The following DYNC2H1 variants were observed in gnomAD, a reference collection of about 807,000 sequenced individuals.
DYNC2H1 encodes the protein dynein cytoplasmic 2 heavy chain 1, also known as cytoplasmic dynein 2 heavy chain 1.
DYNC2H1 carries 410 observed loss-of-function variants against 570.0 expected under a neutral mutation model. The ratio of observed to expected loss-of-function variants is 0.72; its 90% CI spans 0.66 to 0.78. DYNC2H1 has a LOEUF of 0.78. Ranked by LOEUF, DYNC2H1 falls within the 30% of genes least tolerant of loss-of-function variation. The pLI, the probability that DYNC2H1 is intolerant of heterozygous loss-of-function variation, is 0.00. For synonymous variants in DYNC2H1, 1,688 were observed against 1,677.6 expected (o/e 1.01, Z -0.15); for missense variants, 4,865 against 5,046.4 (o/e 0.96, Z 1.09).
chr11:103,168,966 A>T lies in DYNC2H1; in HGVS notation c.4968+6A>T. ...AGTATACTTATGAATATCAGGTATG[A>T]GTTGTGGCAGTGTTTTATATTTCCA... On this transcript the variant is annotated splice_donor_region_variant and intron_variant, in intron 32 of 88. Transcript: ENST00000375735. 2 of 1,581,732 alleles carry T rather than the reference A, an allele frequency of 1.3e-6. No homozygotes were observed. The highest frequency in any genetic ancestry group is 1.7e-6 in the Non-Finnish European group (2 of 1,169,636).
intron 83 of DYNC2H1, among the ~76,000 whole-genome samples, chr11:103,362,844 A>G (rs1940720630): frequency 6.6e-6 from 1 of 152,128 alleles, no homozygotes; most frequent in African/African-American, 2.4e-5. Flanking sequence ...AGCCTGGCCA[A>G]CATGGTGAAA....
chr11:103,438,924 G>A (rs572417678), intron 85 of DYNC2H1, among the ~76,000 whole-genome samples: 8 of 152,116 alleles, frequency 5.3e-5, no homozygotes, highest in African/African-American at 1.7e-4. Context: ...CAAGAGGATC[G>A]CTTGAGCCCA....
chr11:103,474,112 T>A (rs781162997), intron 88 of DYNC2H1: 1 of 231,232 alleles, frequency 4.3e-6, no homozygotes, highest in South Asian at 4.1e-5. Context: ...AAAGTAATGA[T>A]GTTATCACTA....
intron 78 of DYNC2H1, among the ~76,000 whole-genome samples, chr11:103,310,786 G>A (rs1304215182): frequency 6.8e-6 from 1 of 147,002 alleles, no homozygotes; most frequent in Non-Finnish European, 1.5e-5. Flanking sequence ...TGCCTCCTGG[G>A]TTCAGGCAAT....
chr11:103,146,524 T>G (rs1369485571), intron 18 of DYNC2H1, among the ~76,000 whole-genome samples: 1 of 152,234 alleles, frequency 6.6e-6, no homozygotes, highest in African/African-American at 2.4e-5. Flanking sequence ...ACAGAGACAA[T>G]TCCTGTTAAT....
chr11:103,170,287 T>C lies in DYNC2H1; in HGVS notation c.5148T>C (p.Asp1716=), dbSNP rs1192539296. The C allele has an allele frequency of 1.3e-6, 2 of 1,567,598 alleles. No individual in the cohort carries two copies. Among genetic ancestry groups the C allele is most frequent in the Admixed American group, 2.0e-5 (1 of 49,888 alleles). ...GACAAGTTTTAGTCTTTAATTGTGA[T>C]GAGGTAGAATAAATAATTATCAAAA... ...LGRQVLVFNC[D]EGIDVKSMGR... The change falls in exon 33 of 89, where the codon GAT becomes GAC. Residue 1716 remains aspartate, a synonymous_variant. Coordinates refer to ENST00000375735, the MANE Select transcript of DYNC2H1 (RefSeq NM_001377.3). The surrounding 1 kb of genome is among the most constrained non-coding windows in gnomAD (Gnocchi z 4.8).
rs369794713 is a variant in DYNC2H1 at position 103,441,341 on chromosome 11, G to C, written c.12456+5309G>C. ...AGGCCTTCCCTGACCATCCTGTTTC[G>C]AATGTAACCCCCGCACTCCCCCCTC... On this transcript the variant is annotated intron_variant, in intron 85 of 88. Coordinates refer to ENST00000375735, the MANE Select transcript of DYNC2H1 (RefSeq NM_001377.3). 1.2e-4 allele frequency among the ~76,000 whole-genome samples: 16 copies of C among 138,388 alleles called. No individual in the cohort carries two copies. In the East Asian group the frequency reaches 3.6e-3, roughly 31 times the overall value. The allele number at this position is 138,388 out of a possible 152,430, so 90.8% of individuals were successfully genotyped here.
chr11:103,275,825 TC>T lies in DYNC2H1; in HGVS notation c.10696-4521del, dbSNP rs1439609251. On this transcript the variant is annotated intron_variant, in intron 70 of 88. Transcript: ENST00000375735. The surrounding 1 kb of genome is among the most constrained non-coding windows in gnomAD (Gnocchi z 4.8). ...GTTATGAATAAAGCAGCTGTAAACA[TC>T]CATATGCAGGTTTTTGTGTAGACAT... Among the ~76,000 whole-genome samples, 1 of 152,226 alleles carries T rather than the reference TC, an allele frequency of 6.6e-6. No homozygotes were observed. Among genetic ancestry groups the T allele is most frequent in the Non-Finnish European group, 1.5e-5 (1 of 68,036 alleles).
chr11:103,225,953 G>GT (rs1326079554), intron 59 of DYNC2H1, among the ~76,000 whole-genome samples: 9 of 97,738 alleles, frequency 9.2e-5, no homozygotes, highest in East Asian at 8.2e-4. Context: ...GTATTCCTAA[G>GT]TATTTTTTTT....
At chr11:103,357,089 T>A (rs978648829) in intron 82 of DYNC2H1, among the ~76,000 whole-genome samples, 4 of 152,262 alleles carry the variant, frequency 2.6e-5, no homozygotes, top group African/African-American at 9.6e-5. Flanking sequence ...AATATATACA[T>A]CATTGATTTT....
Position 103,304,578 on chromosome 11 carries a change from T to C in DYNC2H1, c.11257-17T>C, listed in dbSNP as rs754160831. 5.0e-6 allele frequency: 8 copies of C among 1,604,668 alleles called. No homozygotes were observed. The South Asian group carries it at 8.9e-5, about 18-fold the overall frequency. On this transcript the variant is annotated splice_polypyrimidine_tract_variant and intron_variant, in intron 76 of 88. Transcript: ENST00000375735. ...CAGATCTGTTTTTAAATTTTGTTTG[T>C]TTTTTTGCTTTTGTAGGTTGCCATG... is the stretch of plus-strand genomic sequence containing the variant.
chr11:103,187,037 G>A (rs1258194793), intron 42 of DYNC2H1, among the ~76,000 whole-genome samples: 1 of 151,888 alleles, frequency 6.6e-6, no homozygotes, highest in Non-Finnish European at 1.5e-5. Flanking sequence ...TCCTTCAACT[G>A]TGGGGAAACA....
intron 83 of DYNC2H1, among the ~76,000 whole-genome samples, chr11:103,371,215 A>G (rs1331805267): frequency 1.3e-5 from 2 of 152,110 alleles, no homozygotes; most frequent in East Asian, 3.9e-4. Context: ...ATCAAGCAGA[A>G]GAAAGTGAGC....
intron 18 of DYNC2H1, 93 bp from the exon 19 acceptor site, chr11:103,147,679 G>T: frequency 1.4e-6 from 1 of 728,884 alleles, no homozygotes; most frequent in Non-Finnish European, 2.2e-6. Flanking sequence ...ACATTTTTAA[G>T]TGTATTACAT....
chr11:103,458,305 G>A lies in DYNC2H1; in HGVS notation c.12648+1949G>A, dbSNP rs566925147. ...ACAGATTTGTTTCCTAGGAGCAATA[G>A]GCTATAGCATCTAGCCTAGGTATGT... On this transcript the variant is annotated intron_variant, in intron 87 of 88. Coordinates refer to ENST00000375735, the MANE Select transcript of DYNC2H1 (RefSeq NM_001377.3). Among the ~76,000 whole-genome samples, 235 of 152,206 alleles carry A rather than the reference G, an allele frequency of 1.5e-3. 2 individuals carry two copies. Among genetic ancestry groups the A allele is most frequent in the Non-Finnish European group, 2.6e-3 (180 of 68,014 alleles).
chr11:103,350,259 G>A (rs71480485), intron 82 of DYNC2H1, among the ~76,000 whole-genome samples: 7,870 of 152,044 alleles, frequency 0.052, 380 homozygotes, highest in East Asian at 0.19. Flanking sequence ...ATTGTTTAAT[G>A]AATTTCTATT....
chr11:103,318,969 AT>A (rs1251055369), intron 80 of DYNC2H1, among the ~76,000 whole-genome samples: 92 of 149,738 alleles, frequency 6.1e-4, no homozygotes, highest in African/African-American at 1.8e-3. Flanking sequence ...TTTGACACAG[AT>A]TTTTTTTTTG....
At chr11:103,402,436 G>A (rs986312551) in intron 84 of DYNC2H1, 4 of 152,122 alleles carry the variant, frequency 2.6e-5, no homozygotes, top group African/African-American at 9.7e-5. Context: ...TACAGTTAGT[G>A]TATTGGTTAG....
At chr11:103,351,399 GGGA>G (rs1940047350) in intron 82 of DYNC2H1, among the ~76,000 whole-genome samples, 1 of 152,150 alleles carries the variant, frequency 6.6e-6, no homozygotes, top group African/African-American at 2.4e-5. Context: ...CAAGATGGTG[GGGA>G]AGTAGATATC....
Sources: gnomAD v4.1 joint callset for allele counts (sites outside exome capture counted in the v4.1 genomes callset) on GRCh38, gnomAD v4.1.1 for gene constraint, Gnocchi (gnomAD v3.1) non-coding constraint, MANE v1.5 for transcripts, NCBI Gene and HGNC (gene_info 2026-07-23, HGNC 2026-07-21) for gene names.